Variants in LHCGR observed in about 807,000 individuals in gnomAD.
The protein encoded by LHCGR is lutropin-choriogonadotropic hormone receptor.
A neutral mutation model predicts 60.7 loss-of-function variants in LHCGR; 55 were observed. The ratio of observed to expected loss-of-function variants is 0.91; its 90% CI spans 0.73 to 1.13. LHCGR has a LOEUF of 1.13. LHCGR is among the 50% of genes most tolerant of loss of function. LHCGR has a pLI of 0.00. For synonymous variants in LHCGR, 337 were observed against 316.5 expected (o/e 1.06, Z -0.69); for missense variants, 862 against 836.0 (o/e 1.03, Z -0.38).
At chr2:48,722,983 G>C (rs1668567384) in intron 6 of LHCGR, among the ~76,000 whole-genome samples, 1 of 152,184 alleles carries the variant, frequency 6.6e-6, no homozygotes, top group African/African-American at 2.4e-5. Context: ...TGTTGCTTCA[G>C]AAGCAAAGTG....
At position 48,688,141 on chromosome 2, in the gene LHCGR, T is replaced by G. The variant is rs1679998357; in HGVS notation, c.1656A>C (p.Ala552=). The change falls in exon 11 of 11, where the codon GCA becomes GCC. Residue 552 remains alanine, a synonymous_variant. Coordinates refer to ENST00000294954, the MANE Select transcript of LHCGR (RefSeq NM_000233.4). This position sits in a 1 kb window ranked among gnomAD's most constrained non-coding sequence, Gnocchi z 5.2. ...TAGCCATTAATTCTGGGTTTCGAAC[T>G]GCAAAATAAATTTTAATGTAGCAAG... ...ICACYIKIYF[A]VRNPELMATN... is the part of the protein sequence containing the mutation. 6.2e-7 allele frequency: 1 copy of G among 1,614,106 alleles called. No homozygotes were observed. Among genetic ancestry groups the G allele is most frequent in the Non-Finnish European group, 8.5e-7 (1 of 1,179,980 alleles).
intron 1 of LHCGR, among the ~76,000 whole-genome samples, chr2:48,742,026 G>A (rs4605415): frequency 0.1 from 15,638 of 151,938 alleles, 1,001 homozygotes; most frequent in East Asian, 0.21. Flanking sequence ...AACAAAAAAA[G>A]GCAGGGGTTG....
At chr2:48,732,584 A>G (rs772888578) in intron 1 of LHCGR, among the ~76,000 whole-genome samples, 2 of 152,176 alleles carry the variant, frequency 1.3e-5, no homozygotes, top group Non-Finnish European at 2.9e-5. Context: ...AACCTGAACA[A>G]GGTTACAACG....
intron 6 of LHCGR, among the ~76,000 whole-genome samples, chr2:48,716,235 C>CT (rs1419103177): frequency 6.6e-6 from 1 of 152,152 alleles, no homozygotes; most frequent in East Asian, 1.9e-4. Flanking sequence ...AGGAGCTTAA[C>CT]TTTACATCAC....
rs372560208 is a variant in LHCGR, at chr2:48,698,788, G to A, written c.693C>T (p.Ser231=). The A allele has an allele frequency of 6.2e-7, 1 of 1,613,298 alleles. No individual in the cohort carries two copies. Residue 231 remains serine, a synonymous_variant, in exon 9 of 11, where the codon TCC becomes TCT. Coordinates refer to ENST00000294954, the MANE Select transcript of LHCGR (RefSeq NM_000233.4). The stretch of plus-strand genomic sequence containing the variant: ...AGCTCGGCAGGGCCTGCAATTTGGT[G>A]GAAGAAATATCCCTGAACAATAAAG... ...ATGPKTLDIS[S]TKLQALPSYG...
intron 9 of LHCGR, among the ~76,000 whole-genome samples, chr2:48,697,234 T>G (rs1337691515): frequency 1.3e-5 from 2 of 152,260 alleles, no homozygotes; most frequent in East Asian, 3.8e-4. Context: ...AGACAACTCC[T>G]GCCTGTTCTT....
chr2:48,730,882 G>A (rs544804639), intron 2 of LHCGR, among the ~76,000 whole-genome samples: 4 of 152,092 alleles, frequency 2.6e-5, no homozygotes, highest in African/African-American at 4.8e-5. Context: ...TCCTATGTGG[G>A]TGTTATCTAA....
chr2:48,698,899 T>C (rs916251722), intron 8 of LHCGR, 99 bp from the exon 9 acceptor site: 3 of 962,372 alleles, frequency 3.1e-6, no homozygotes, highest in African/African-American at 1.6e-5. Flanking sequence ...TGGAGTGCAG[T>C]GGCACGACCT....
At chr2:48,701,135 G>C (rs1432179050) in intron 8 of LHCGR, among the ~76,000 whole-genome samples, 1 of 152,074 alleles carries the variant, frequency 6.6e-6, no homozygotes, top group Non-Finnish European at 1.5e-5. Context: ...GGGGCTGAGG[G>C]GCAGGAGCTA....
At chr2:48,715,779 A>G (rs993703757) in intron 6 of LHCGR, among the ~76,000 whole-genome samples, 1 of 152,222 alleles carries the variant, frequency 6.6e-6, no homozygotes, top group Non-Finnish European at 1.5e-5. Flanking sequence ...ATGTTGAAGT[A>G]TAATATTTAA....
chr2:48,755,506 C>G lies in LHCGR; in HGVS notation c.161+5G>C. On this transcript the variant is annotated splice_donor_5th_base_variant and intron_variant, in intron 1 of 10. Transcript: ENST00000294954. ...GGCGCCGCGACGGGAGCGCTGTGTA[C>G]TCACAGTCGAGTGAGACCGGCCGTG... is the stretch of plus-strand genomic sequence containing the variant. 3 of 1,534,560 alleles carry G rather than the reference C, an allele frequency of 2.0e-6. No homozygotes were observed. Among genetic ancestry groups the G allele is most frequent in the Non-Finnish European group, 2.6e-6 (3 of 1,137,378 alleles).
intron 1 of LHCGR, among the ~76,000 whole-genome samples, chr2:48,749,964 A>G (rs1433534509): frequency 6.6e-6 from 1 of 152,214 alleles, no homozygotes; most frequent in Admixed American, 6.5e-5. Flanking sequence ...GAGTCTGTGT[A>G]TCAGCAAGGT....
chr2:48,739,828 G>A (rs1270314995), intron 1 of LHCGR, among the ~76,000 whole-genome samples: 14 of 152,154 alleles, frequency 9.2e-5, no homozygotes, highest in East Asian at 3.9e-4. Context: ...AAAAAGGTCC[G>A]ACAATTTGAG....
At chr2:48,739,793 C>A (rs148615339) in intron 1 of LHCGR, among the ~76,000 whole-genome samples, 5 of 152,096 alleles carry the variant, frequency 3.3e-5, no homozygotes, top group East Asian at 3.9e-4. Context: ...GTACATGTAC[C>A]CTAAAACTTA....
chr2:48,731,149 C>A, intron 2 of LHCGR, 78 bp downstream of exon 2: 2 of 980,740 alleles, frequency 2.0e-6, no homozygotes, highest in South Asian at 1.3e-5. Context: ...AAATTATCCC[C>A]TTTCAAATGT....
intron 1 of LHCGR, among the ~76,000 whole-genome samples, chr2:48,733,417 C>G (rs1431201990): frequency 6.6e-6 from 1 of 152,102 alleles, no homozygotes; most frequent in Non-Finnish European, 1.5e-5. Context: ...AAAGGTCGGA[C>G]AGAAGTGCAA....
intron 2 of LHCGR, among the ~76,000 whole-genome samples, chr2:48,730,491 G>T (rs1238711146): frequency 1.3e-5 from 2 of 152,236 alleles, no homozygotes; most frequent in Admixed American, 1.3e-4. Context: ...TAAGATCAAT[G>T]CTGTAGCATC....
In LHCGR at chr2:48,729,238, G is replaced by C. The variant is rs752778152; in HGVS notation, c.234-11C>G. On this transcript the variant is annotated splice_polypyrimidine_tract_variant and intron_variant, in intron 2 of 10. Transcript: ENST00000294954. ...ATCTGAGAGATTTCACTAGGGAAGA[G>C]AGGAGGGGGAAAAAGAGAAAGAAAC... The C allele has an allele frequency of 1.8e-5, 29 of 1,585,624 alleles. No homozygotes were observed. The highest frequency in any genetic ancestry group is 2.5e-5 in the Non-Finnish European group (29 of 1,157,330).
intron 1 of LHCGR, among the ~76,000 whole-genome samples, chr2:48,750,503 C>T (rs1404732922): frequency 2.0e-5 from 3 of 152,144 alleles, no homozygotes; most frequent in African/African-American, 7.2e-5. Flanking sequence ...TGTTATAGGA[C>T]CTGGATGCTG....
Sources: allele counts gnomAD v4.1 joint callset (sites outside exome capture counted in the v4.1 genomes callset), GRCh38; gene constraint gnomAD v4.1.1; non-coding constraint Gnocchi (gnomAD v3.1); transcripts MANE v1.5; gene names NCBI Gene and HGNC (gene_info 2026-07-23, HGNC 2026-07-21).